The following SNED1 variants were observed in gnomAD, a reference collection of about 807,000 sequenced individuals.
SNED1 encodes the protein sushi, nidogen and EGF-like domain-containing protein 1.
SNED1 carries 81 observed loss-of-function variants against 166.7 expected under a neutral mutation model. That is an observed-to-expected ratio of 0.49 (90% confidence interval 0.41 to 0.58). The LOEUF (loss-of-function observed/expected upper bound fraction) is 0.58, where lower values mean the gene tolerates loss of function less well. Among genes scored for constraint, SNED1 ranks in the 20% least tolerant of loss-of-function variants. The pLI, the probability that SNED1 is intolerant of heterozygous loss-of-function variation, is 0.00. For missense variants in SNED1, 1,604 were observed against 2,000.2 expected (o/e 0.80, Z 3.78); for synonymous variants, 762 against 822.0 (o/e 0.93, Z 1.25).
At chr2:241,079,769 A>G (rs1575105999) in intron 27 of SNED1, among the ~76,000 whole-genome samples, 1 of 152,234 alleles carries the variant, frequency 6.6e-6, no homozygotes, top group Non-Finnish European at 1.5e-5. Context: ...AGCGATTTTA[A>G]TAAGAGTAGT....
chr2:241,069,050 A>C lies in SNED1; in HGVS notation c.3307+27A>C, dbSNP rs748734675. On this transcript the variant is annotated intron_variant, in intron 23 of 31. Transcript: ENST00000310397. This position sits in a 1 kb window ranked among gnomAD's most constrained non-coding sequence, Gnocchi z 4.9. ...TGAGTAGAGCAGCGCGGCCCCCGGC[A>C]CACGAAAGGCCGTCTTCTAGAAGCT... is the stretch of plus-strand genomic sequence containing the variant. 6 of 1,474,190 alleles carry C rather than the reference A, an allele frequency of 4.1e-6. No individual in the cohort carries two copies. In the South Asian group the frequency reaches 7.4e-5, roughly 18 times the overall value. The allele number at this position is 1,474,190 out of a possible 1,614,324, so 91.3% of individuals were successfully genotyped here. A position where few individuals can be genotyped will look rare whatever the true frequency, so the allele number is the denominator to read the frequency against.
At chr2:241,024,554 A>G (rs1245813919) in intron 1 of SNED1, among the ~76,000 whole-genome samples, 2 of 149,342 alleles carry the variant, frequency 1.3e-5, no homozygotes, top group African/African-American at 4.9e-5. Context: ...CCACCCTACT[A>G]CCTTTTTTGT....
At chr2:241,035,574 G>C (rs1238292711) in intron 4 of SNED1, 1 of 152,214 alleles carries the variant, frequency 6.6e-6, no homozygotes, top group Non-Finnish European at 1.5e-5. Context: ...GCTCGCACCG[G>C]GACCTGCCCC....
At chr2:241,070,393 T>C (rs1278033055) in intron 24 of SNED1, among the ~76,000 whole-genome samples, 192 bp downstream of exon 24, 23 of 152,242 alleles carry the variant, frequency 1.5e-4, no homozygotes, top group Admixed American at 1.5e-3. Context: ...GAAGGACTCA[T>C]GGGCAGGTGG....
Position 241,069,933 on chromosome 2 carries a change from AG to A in SNED1, c.3322del (p.Ala1108GlnfsTer3). 6.2e-7 allele frequency: 1 copy of A among 1,612,464 alleles called. No homozygotes were observed. The highest frequency in any genetic ancestry group is 8.5e-7 in the Non-Finnish European group (1 of 1,179,698). ...TGCCTCATCCAGGGCCCCTGCCTCC[AG>A]CAAACCTGACCGCCGCCCGAGTCAC... Reference protein sequence around the residue: ...THVWTRPLPPANLTAARVTAT... With the variant: ...THVWTRPLPPXNLTAARVTAT... On this transcript the variant is annotated frameshift_variant, in exon 24 of 32. Coordinates refer to ENST00000310397, the MANE Select transcript of SNED1 (RefSeq NM_001080437.3). LOFTEE classifies it high-confidence loss of function. The surrounding 1 kb of genome is among the most constrained non-coding windows in gnomAD (Gnocchi z 4.9).
At chr2:241,078,839 C>T (rs964958428) in intron 27 of SNED1, among the ~76,000 whole-genome samples, 7 of 151,912 alleles carry the variant, frequency 4.6e-5, no homozygotes, top group Admixed American at 1.3e-4. Flanking sequence ...GCAGGCCAGG[C>T]ACGGTGGCTC....
chr2:241,051,063 G>A lies in SNED1; in HGVS notation c.1736-681G>A, dbSNP rs867069865. 1.2e-4 allele frequency among the ~76,000 whole-genome samples: 19 copies of A among 152,334 alleles called. No individual in the cohort carries two copies. The highest frequency in any genetic ancestry group is 3.4e-3 in the Middle Eastern group (1 of 294). ...GGCAGCCAGAGCTTGGACCTGCAGC[G>A]TGGGATGGCTGGCAGGAGAGGAGCG... is the stretch of plus-strand genomic sequence containing the variant. On this transcript the variant is annotated intron_variant, in intron 12 of 31. Coordinates refer to ENST00000310397, the MANE Select transcript of SNED1 (RefSeq NM_001080437.3). The surrounding 1 kb of genome is among the most constrained non-coding windows in gnomAD (Gnocchi z 4.7).
At chr2:241,021,262 C>G (rs2124912499) in intron 1 of SNED1, among the ~76,000 whole-genome samples, 1 of 152,328 alleles carries the variant, frequency 6.6e-6, no homozygotes, top group African/African-American at 2.4e-5. Context: ...GGCTCAGAGG[C>G]CCCTCCCTTC....
chr2:241,040,195 G>A lies in SNED1; in HGVS notation c.1159+7G>A. The A allele has an allele frequency of 3.8e-6, 6 of 1,587,082 alleles. No homozygotes were observed. Among genetic ancestry groups the A allele is most frequent in the Non-Finnish European group, 5.1e-6 (6 of 1,166,328 alleles). ...GGAGCAGCCTGCGAGATGGGTGAGT[G>A]GCCTGGCTTCGGATTGGAGAGGGGC... On this transcript the variant is annotated splice_region_variant and intron_variant, in intron 7 of 31. Coordinates refer to ENST00000310397, the MANE Select transcript of SNED1 (RefSeq NM_001080437.3).
In SNED1 at chr2:241,034,783, G is replaced by A. The variant is rs1202431151; in HGVS notation, c.805+53G>A. ...TGGGAGCGGGCTGAGGAAGGGGGTTGATGGCAGAGGAGAGGTGGAGACGAA... is the reference window on the plus strand; with the variant it reads ...TGGGAGCGGGCTGAGGAAGGGGGTTAATGGCAGAGGAGAGGTGGAGACGAA... On this transcript the variant is annotated intron_variant, in intron 4 of 31. Coordinates refer to ENST00000310397, the MANE Select transcript of SNED1 (RefSeq NM_001080437.3). 5.4e-6 allele frequency: 8 copies of A among 1,479,038 alleles called. No individual in the cohort carries two copies. The South Asian group carries it at 9.4e-5, about 17-fold the overall frequency. 91.6% of individuals were successfully genotyped at this position (1,479,038 alleles called of 1,614,324 possible).
At position 241,062,832 on chromosome 2, in the gene SNED1, T is replaced by A. The variant is rs1223997678; in HGVS notation, c.2299T>A (p.Ser767Thr). The change falls in exon 17 of 32, where the codon TCT (serine) becomes ACT (threonine). Residue 767 changes from serine (S) to threonine (T), a missense_variant. Around this residue, in one of 2 missense-constraint regions of SNED1, gnomAD observed 1,237 missense variants for 1,620.8 expected, o/e 0.76. Transcript: ENST00000310397. ...GTCTCAGCCGTGCCTGCATGGGGGC[T>A]CTTGTCAGGACCGCGTTGCTGGGTA... is the stretch of plus-strand genomic sequence containing the variant. ...CRSQPCLHGG[S>T]CQDRVAGYLC... The A allele has an allele frequency of 6.2e-7, 1 of 1,612,218 alleles. No homozygotes were observed. The highest frequency in any genetic ancestry group is 8.5e-7 in the Non-Finnish European group (1 of 1,179,300).
At chr2:241,001,548 C>CGTGGCGCGCCGAGGAGT (rs1168231791) in intron 1 of SNED1, among the ~76,000 whole-genome samples, 1 of 152,228 alleles carries the variant, frequency 6.6e-6, no homozygotes, top group Non-Finnish European at 1.5e-5. Flanking sequence ...AGCCGAGGAG[C>CGTGGCGCGCCGAGGAGT]GTGGCGCGCC....
chr2:241,008,210 G>C lies in SNED1; in HGVS notation c.213+9160G>C, dbSNP rs904213910. On this transcript the variant is annotated intron_variant, in intron 1 of 31. Transcript: ENST00000310397. ...AGACCACCCAGGGCAGATCCCAAGT[G>C]GGGGAACAGAGTCAGTGCCGTGACC... Among the ~76,000 whole-genome samples the C allele has an allele frequency of 6.6e-5, 10 of 152,368 alleles. No individual in the cohort carries two copies. The East Asian group carries it at 1.9e-3, about 29-fold the overall frequency.
intron 16 of SNED1, among the ~76,000 whole-genome samples, chr2:241,056,397 T>A (rs923400535): frequency 6.6e-6 from 1 of 151,952 alleles, no homozygotes; most frequent in African/African-American, 2.4e-5. Context: ...ATTACAGGCA[T>A]GAACCACTGT....
At chr2:241,063,345 G>T (rs2062304197) in intron 17 of SNED1, 1 of 553,880 alleles carries the variant, frequency 1.8e-6, no homozygotes. Context: ...GCCTCCCATT[G>T]CGGAGTGGCC....
At chr2:241,035,224 G>T (rs995269063) in intron 4 of SNED1, among the ~76,000 whole-genome samples, 1 of 152,138 alleles carries the variant, frequency 6.6e-6, no homozygotes, top group African/African-American at 2.4e-5. Context: ...TACCACCCAG[G>T]TCCTCATTTT....
At chr2:241,000,426 G>T (rs930445304) in intron 1 of SNED1, among the ~76,000 whole-genome samples, 1 of 152,204 alleles carries the variant, frequency 6.6e-6, no homozygotes, top group African/African-American at 2.4e-5. Context: ...AGAGGAACGG[G>T]ACTGACTCCT....
At chr2:241,033,918 C>A in intron 3 of SNED1, 43 bp downstream of exon 3, 1 of 1,549,538 alleles carries the variant, frequency 6.5e-7, no homozygotes, top group Non-Finnish European at 8.7e-7. Context: ...AACCCCTGCT[C>A]CCCACAGCCA....
chr2:241,040,448 G>A, intron 8 of SNED1, 35 bp downstream of exon 8: 8 of 1,375,868 alleles, frequency 5.8e-6, no homozygotes, highest in Non-Finnish European at 8.0e-6. Flanking sequence ...CACCATGGCT[G>A]ATGGTGGCTT....
Sources: gnomAD v4.1 joint callset for allele counts (sites outside exome capture counted in the v4.1 genomes callset) on GRCh38, gnomAD v4.1.1 for gene constraint, gnomAD v4.1.1 regional missense constraint, Gnocchi (gnomAD v3.1) non-coding constraint, MANE v1.5 for transcripts, NCBI Gene and HGNC (gene_info 2026-07-23, HGNC 2026-07-21) for gene names.